The following RADIL variants were observed in gnomAD, a reference collection of about 807,000 sequenced individuals.
RADIL encodes the protein Rap associating with DIL domain.
RADIL carries 99 observed loss-of-function variants against 97.6 expected under a neutral mutation model. That is an observed-to-expected ratio of 1.01 (90% CI 0.86 to 1.20). The LOEUF (loss-of-function observed/expected upper bound fraction) is 1.20. Among genes scored for constraint, RADIL ranks in the 50% most tolerant of loss-of-function variants. The pLI is 0.00. For synonymous variants in RADIL, 803 were observed against 691.8 expected (o/e 1.16, Z -2.52); for missense variants, 1,765 against 1,498.9 (o/e 1.18, Z -2.93).
At chr7:4,830,087 G>A (rs565628314) in intron 5 of RADIL, among the ~76,000 whole-genome samples, 7 of 152,280 alleles carry the variant, frequency 4.6e-5, no homozygotes, top group African/African-American at 1.4e-4. Context: ...GTTATCTCAC[G>A]TGTGTGTCTT....
At chr7:4,799,592 C>G in intron 14 of RADIL, 38 bp downstream of exon 14, 1 of 1,606,672 alleles carries the variant, frequency 6.2e-7, no homozygotes, top group Non-Finnish European at 8.5e-7. Flanking sequence ...AGCAGGGCAT[C>G]TGGGAGAAGG....
At position 4,822,618 on chromosome 7, in the gene RADIL, C is replaced by A; in HGVS notation, c.1455-64G>T. ...GACCCTCAGGAGGCTGAATCTACCA[C>A]TCTTTCTACATAAGGATGCGCGTTT... On this transcript the variant is annotated intron_variant, in intron 5 of 14. Coordinates refer to ENST00000399583, the MANE Select transcript of RADIL (RefSeq NM_018059.5). This position sits in a 1 kb window ranked among gnomAD's most constrained non-coding sequence, Gnocchi z 5.3. 1 of 1,551,662 alleles carries A rather than the reference C, an allele frequency of 6.4e-7. No homozygotes were observed. The highest frequency in any genetic ancestry group is 1.9e-5 in the Admixed American group (1 of 53,318).
rs1051568877 is a variant in RADIL, at chr7:4,817,054, G to A, written c.1728+185C>T. On this transcript the variant is annotated intron_variant, in intron 7 of 14. Coordinates refer to ENST00000399583, the MANE Select transcript of RADIL (RefSeq NM_018059.5). The surrounding 1 kb of genome is among the most constrained non-coding windows in gnomAD (Gnocchi z 8.3). ...GCTTCTGTGCGACCTGAGGAGGAGC[G>A]GGTGTGGGGGGTGCAGCTGGGCCTG... 2.6e-5 allele frequency among the ~76,000 whole-genome samples: 4 copies of A among 152,156 alleles called. No individual in the cohort carries two copies. Among genetic ancestry groups the A allele is most frequent in the African/African-American group, 4.8e-5 (2 of 41,428 alleles).
intron 2 of RADIL, among the ~76,000 whole-genome samples, chr7:4,838,590 G>C (rs932613643): frequency 1.3e-5 from 2 of 152,162 alleles, no homozygotes; most frequent in Non-Finnish European, 2.9e-5. Context: ...CCCAGGGCTG[G>C]GCTCTCTGCA....
rs111737605 is a variant in RADIL, at chr7:4,823,735, C to T, written c.1455-1181G>A. Among the ~76,000 whole-genome samples the T allele has an allele frequency of 2.3e-3, 344 of 152,326 alleles. 5 individuals carry two copies. The highest frequency in any genetic ancestry group is 7.7e-3 in the African/African-American group (318 of 41,568). On this transcript the variant is annotated intron_variant, in intron 5 of 14. Transcript: ENST00000399583. ...TTTCTCCCACATCTCTGGCACCAGC[C>T]GCAGGATGTGTCTGTCTGGTGTGAC...
chr7:4,863,326 AG>A (rs1432446425), intron 2 of RADIL, among the ~76,000 whole-genome samples: 1 of 152,174 alleles, frequency 6.6e-6, no homozygotes, highest in Non-Finnish European at 1.5e-5. Flanking sequence ...ATACTTATTT[AG>A]TACTCTATAA....
chr7:4,850,068 A>G (rs963239956), intron 2 of RADIL, among the ~76,000 whole-genome samples: 28 of 152,270 alleles, frequency 1.8e-4, no homozygotes, highest in Admixed American at 1.0e-3. Context: ...AACCATTAAG[A>G]TGAATGAATT....
chr7:4,837,819 A>C lies in RADIL; in HGVS notation c.536-1214T>G. 2.1e-5 allele frequency: 21 copies of C among 984,432 alleles called. No individual in the cohort carries two copies. The highest frequency in any genetic ancestry group is 4.7e-5 in the South Asian group (1 of 21,272). The allele number at this position is 984,432 out of a possible 1,614,324, so 61.0% of individuals were successfully genotyped here. ...AAGCCAGCCGGCTGCGATAGATGAAAACCGCTCACCAGTCCCCAGCTGACC... is the reference window on the plus strand; with the variant it reads ...AAGCCAGCCGGCTGCGATAGATGAACACCGCTCACCAGTCCCCAGCTGACC... On this transcript the variant is annotated intron_variant, in intron 2 of 14. Transcript: ENST00000399583. This position sits in a 1 kb window ranked among gnomAD's most constrained non-coding sequence, Gnocchi z 5.6.
chr7:4,831,030 A>AC (rs201618891), intron 5 of RADIL, among the ~76,000 whole-genome samples: 1,941 of 151,836 alleles, frequency 0.013, 43 homozygotes, highest in African/African-American at 0.044. Flanking sequence ...CAAAAAAAAA[A>AC]AAAATACAAA....
At position 4,883,145 on chromosome 7, in the gene RADIL, G is replaced by A. The variant is rs900346452; in HGVS notation, c.-65+451C>T. On this transcript the variant is annotated intron_variant, in intron 1 of 14. Transcript: ENST00000399583. The surrounding 1 kb of genome is among the most constrained non-coding windows in gnomAD (Gnocchi z 7.1). ...AGGGGACGTCTCGCCGGCCCAGGTG[G>A]GAGAGCGCGCGGAACCCTGCGCCCC... Among the ~76,000 whole-genome samples the A allele has an allele frequency of 1.6e-4, 24 of 147,044 alleles. No individual in the cohort carries two copies. Among genetic ancestry groups the A allele is most frequent in the Non-Finnish European group, 2.5e-4 (17 of 67,972 alleles).
At chr7:4,827,655 C>T (rs1783034873) in intron 5 of RADIL, among the ~76,000 whole-genome samples, 1 of 152,084 alleles carries the variant, frequency 6.6e-6, no homozygotes. Flanking sequence ...GGCGAGTCTC[C>T]ATCGCAAAAA....
chr7:4,820,008 C>T (rs1005988860), intron 6 of RADIL, among the ~76,000 whole-genome samples: 1 of 152,254 alleles, frequency 6.6e-6, no homozygotes, highest in African/African-American at 2.4e-5. Flanking sequence ...CAAACCCAGG[C>T]AGCCACGAAG....
intron 2 of RADIL, among the ~76,000 whole-genome samples, chr7:4,847,791 C>T (rs1783611767): frequency 4.5e-5 from 5 of 111,622 alleles, no homozygotes; most frequent in African/African-American, 1.4e-4. Context: ...TCTATATATA[C>T]GAAATATCTG....
chr7:4,876,710 G>C (rs77217683), intron 2 of RADIL, among the ~76,000 whole-genome samples: 3 of 152,172 alleles, frequency 2.0e-5, no homozygotes, highest in Non-Finnish European at 4.4e-5. Context: ...CAAACTCTGC[G>C]GCAGGCACTC....
rs967074233 is a variant in RADIL at position 4,813,809 on chromosome 7, G to A, written c.2139+1469C>T. On this transcript the variant is annotated intron_variant, in intron 9 of 14. Transcript: ENST00000399583. The surrounding 1 kb of genome is among the most constrained non-coding windows in gnomAD (Gnocchi z 5.0). ...TCAGCTGCTCCATCCAAGCCTCAGT[G>A]CTTGCCACAATGTCTATCAACTGTT... Among the ~76,000 whole-genome samples, 1 of 152,204 alleles carries A rather than the reference G, an allele frequency of 6.6e-6. No homozygotes were observed. Among genetic ancestry groups the A allele is most frequent in the Non-Finnish European group, 1.5e-5 (1 of 68,036 alleles).
At chr7:4,816,194 C>A in intron 8 of RADIL, 34 bp downstream of exon 8, 1 of 1,573,270 alleles carries the variant, frequency 6.4e-7, no homozygotes, top group South Asian at 1.1e-5. Flanking sequence ...GGAATGTGAG[C>A]CCCCGACCCC....
Position 4,834,465 on chromosome 7 carries a change from G to C in RADIL, c.1416+142C>G. On this transcript the variant is annotated intron_variant, in intron 4 of 14. Transcript: ENST00000399583. The surrounding 1 kb of genome is among the most constrained non-coding windows in gnomAD (Gnocchi z 6.0). ...TGGGGCTGGGGGGCAGCGACAGGCA[G>C]GGAAAGGCCGCCCTGCGCTCAGCAG... The C allele has an allele frequency of 9.8e-7, 1 of 1,024,454 alleles. No individual in the cohort carries two copies. The highest frequency in any genetic ancestry group is 5.0e-5 in the South Asian group (1 of 19,818). The allele number at this position is 1,024,454 out of a possible 1,614,324, so 63.5% of individuals were successfully genotyped here.
At position 4,814,666 on chromosome 7, in the gene RADIL, T is replaced by C. The variant is rs1782632421; in HGVS notation, c.2139+612A>G. ...ACGCCTGGCGGTCACGGCCACACAG[T>C]GCACTCTCACAGCTCCGCGGCTCCA... On this transcript the variant is annotated intron_variant, in intron 9 of 14. Coordinates refer to ENST00000399583, the MANE Select transcript of RADIL (RefSeq NM_018059.5). This position sits in a 1 kb window ranked among gnomAD's most constrained non-coding sequence, Gnocchi z 4.5. 6.6e-6 allele frequency among the ~76,000 whole-genome samples: 1 copy of C among 152,104 alleles called. No homozygotes were observed. Among genetic ancestry groups the C allele is most frequent in the South Asian group, 2.1e-4 (1 of 4,808 alleles).
intron 5 of RADIL, 94 bp downstream of exon 5, chr7:4,832,047 G>GT: frequency 7.3e-7 from 1 of 1,365,354 alleles, no homozygotes; most frequent in Non-Finnish European, 1.0e-6. Context: ...ACCCCAAGGC[G>GT]TGGGGAGACC....
Sources: gnomAD v4.1 joint callset for allele counts (sites outside exome capture counted in the v4.1 genomes callset) on GRCh38, gnomAD v4.1.1 for gene constraint, Gnocchi (gnomAD v3.1) non-coding constraint, MANE v1.5 for transcripts, NCBI Gene and HGNC (gene_info 2026-07-23, HGNC 2026-07-21) for gene names.